The following UBE2G1 variants were observed in gnomAD, a reference collection of about 807,000 sequenced individuals.
The protein encoded by UBE2G1 is ubiquitin conjugating enzyme E2 G1, also known as ubiquitin-conjugating enzyme E2 G1.
Under a neutral mutation model 22.7 loss-of-function variants are expected in UBE2G1, and 5 were observed. The ratio of observed to expected loss-of-function variants is 0.22; its 90% CI spans 0.12 to 0.46. The LOEUF (loss-of-function observed/expected upper bound fraction) is 0.46, where lower values mean the gene tolerates loss of function less well. Among genes scored for constraint, UBE2G1 ranks in the 20% least tolerant of loss-of-function variants. The probability of loss-of-function intolerance (pLI) is 0.99; values close to 1 mark genes in which losing one functional copy is unlikely to be tolerated. For missense variants in UBE2G1, 88 were observed against 203.9 expected (o/e 0.43, Z 3.46); for synonymous variants, 74 against 67.5 (o/e 1.10, Z -0.47).
intron 1 of UBE2G1, among the ~76,000 whole-genome samples, chr17:4,309,313 T>C (rs1227728256): frequency 1.3e-5 from 2 of 152,198 alleles, no homozygotes; most frequent in South Asian, 2.1e-4. Context: ...TTTCTTGAAA[T>C]GTGAGGGGAG....
intron 2 of UBE2G1, among the ~76,000 whole-genome samples, chr17:4,300,113 T>G (rs1969158291): frequency 1.3e-5 from 2 of 150,534 alleles, no homozygotes; most frequent in South Asian, 4.2e-4. Flanking sequence ...CTTAACTAAC[T>G]AGTACCCAAC....
At position 4,357,033 on chromosome 17, in the gene UBE2G1, T is replaced by G. The variant is rs192054582; in HGVS notation, c.46+9238A>C. Among the ~76,000 whole-genome samples the G allele has an allele frequency of 2.9e-3, 444 of 152,264 alleles. 2 individuals are homozygous for G. Among genetic ancestry groups the G allele is most frequent in the Admixed American group, 6.0e-3 (92 of 15,288 alleles). The stretch of plus-strand genomic sequence containing the variant: ...AATATCAAACCCAAGAAATCGACAG[T>G]GGTGCAATCCATATACTTTATAGTC... On this transcript the variant is annotated intron_variant, in intron 1 of 5. Transcript: ENST00000396981.
At chr17:4,284,139 A>G (rs1968929607) in intron 4 of UBE2G1, among the ~76,000 whole-genome samples, 1 of 145,860 alleles carries the variant, frequency 6.9e-6, no homozygotes, top group South Asian at 2.3e-4. Context: ...CCTGAGCGAC[A>G]GAGCGAGACT....
intron 1 of UBE2G1, among the ~76,000 whole-genome samples, chr17:4,361,026 C>T (rs1317461629): frequency 2.6e-5 from 4 of 152,004 alleles, no homozygotes; most frequent in African/African-American, 4.8e-5. Flanking sequence ...AGTTCAAGAT[C>T]GGCCTGGCCA....
At chr17:4,282,088 T>G (rs544868132) in intron 5 of UBE2G1, among the ~76,000 whole-genome samples, 4 of 152,262 alleles carry the variant, frequency 2.6e-5, no homozygotes, top group Middle Eastern at 3.4e-3. Flanking sequence ...TTGTTTGTTT[T>G]TTGTTTTTTT....
At chr17:4,332,292 T>C (rs765394591) in intron 1 of UBE2G1, among the ~76,000 whole-genome samples, 4 of 152,308 alleles carry the variant, frequency 2.6e-5, no homozygotes, top group East Asian at 1.9e-4. Flanking sequence ...AGTCATGAAA[T>C]AGATCTAGTG....
chr17:4,331,379 T>C (rs1014455390), intron 1 of UBE2G1, among the ~76,000 whole-genome samples: 1 of 152,210 alleles, frequency 6.6e-6, no homozygotes, highest in African/African-American at 2.4e-5. Flanking sequence ...GTGGGGAATA[T>C]GATAGTAGCA....
At chr17:4,326,950 T>A (rs1182379563) in intron 1 of UBE2G1, among the ~76,000 whole-genome samples, 1 of 152,094 alleles carries the variant, frequency 6.6e-6, no homozygotes, top group Non-Finnish European at 1.5e-5. Context: ...TCACCTGAGG[T>A]CAGGAGTTTG....
chr17:4,304,133 C>T (rs954164321), intron 2 of UBE2G1, among the ~76,000 whole-genome samples: 8 of 152,170 alleles, frequency 5.3e-5, no homozygotes, highest in African/African-American at 1.7e-4. Flanking sequence ...AGCCTCCTGA[C>T]TGCAGGCATG....
chr17:4,307,111 T>G lies in UBE2G1; in HGVS notation c.59A>C (p.Asn20Thr). The G allele has an allele frequency of 2.5e-6, 4 of 1,613,878 alleles. No homozygotes were observed. Among genetic ancestry groups the G allele is most frequent in the Non-Finnish European group, 1.7e-6 (2 of 1,179,856 alleles). Residue 20 changes from asparagine to threonine, a missense_variant, in exon 2 of 6, where the codon AAT becomes ACT. Physicochemically the swap from Asn to Thr is moderately conservative, Grantham distance 65. Transcript: ENST00000396981. Reference sequence around the variant, plus strand: ...ACCTGCAGAAAAGCCTTCCACTGGATTTTTGTTGAGTTCTGTGGAAAAAGA... The same window carrying G: ...ACCTGCAGAAAAGCCTTCCACTGGAGTTTTGTTGAGTTCTGTGGAAAAAGA... ...LRRQLAELNK[N>T]PVEGFSAGLI...
At chr17:4,301,425 C>T (rs1164480013) in intron 2 of UBE2G1, 6 of 664,072 alleles carry the variant, frequency 9.0e-6, no homozygotes, top group African/African-American at 1.8e-5. Flanking sequence ...ACTTTTGATG[C>T]TGTTATTGAT....
At chr17:4,283,108 T>C (rs1968913945) in intron 4 of UBE2G1, among the ~76,000 whole-genome samples, 187 bp from the exon 5 acceptor site, 1 of 152,028 alleles carries the variant, frequency 6.6e-6, no homozygotes, top group African/African-American at 2.4e-5. Flanking sequence ...CAGGCAGAAA[T>C]CTCCTATGCA....
intron 5 of UBE2G1, among the ~76,000 whole-genome samples, chr17:4,272,850 A>G (rs1201131658): frequency 6.6e-6 from 1 of 152,194 alleles, no homozygotes; most frequent in Non-Finnish European, 1.5e-5. Flanking sequence ...GGACAGCGCT[A>G]ATTTAGATTT....
At chr17:4,365,445 G>C (rs998021624) in intron 1 of UBE2G1, among the ~76,000 whole-genome samples, 1 of 152,222 alleles carries the variant, frequency 6.6e-6, no homozygotes, top group African/African-American at 2.4e-5. Context: ...CGGGACAATG[G>C]GGGAGGGGGG....
At chr17:4,322,298 C>T (rs915399336) in intron 1 of UBE2G1, among the ~76,000 whole-genome samples, 2 of 152,164 alleles carry the variant, frequency 1.3e-5, no homozygotes, top group Non-Finnish European at 2.9e-5. Context: ...AGATTTCTTC[C>T]AAAGGGGAAC....
intron 1 of UBE2G1, among the ~76,000 whole-genome samples, chr17:4,349,973 G>C (rs1969825829): frequency 6.6e-6 from 1 of 152,104 alleles, no homozygotes; most frequent in African/African-American, 2.4e-5. Context: ...AAGTGGGAGA[G>C]AGGGGACCTC....
At chr17:4,360,454 A>T (rs1406446457) in intron 1 of UBE2G1, among the ~76,000 whole-genome samples, 1 of 152,186 alleles carries the variant, frequency 6.6e-6, no homozygotes, top group Non-Finnish European at 1.5e-5. Context: ...GCAATCAAAC[A>T]TTCTTCACCT....
chr17:4,312,908 C>G (rs1242290471), intron 1 of UBE2G1, among the ~76,000 whole-genome samples: 1 of 151,816 alleles, frequency 6.6e-6, no homozygotes, highest in African/African-American at 2.4e-5. Context: ...GGAATCCATG[C>G]AGGCAACGCT....
intron 1 of UBE2G1, among the ~76,000 whole-genome samples, chr17:4,354,712 C>A (rs1216415337): frequency 6.6e-6 from 1 of 152,080 alleles, no homozygotes; most frequent in African/African-American, 2.4e-5. Context: ...GGGAGGATTG[C>A]TTGAACCCAG....
Sources: allele counts gnomAD v4.1 joint callset (sites outside exome capture counted in the v4.1 genomes callset), GRCh38; gene constraint gnomAD v4.1.1; transcripts MANE v1.5; gene names NCBI Gene and HGNC (gene_info 2026-07-23, HGNC 2026-07-21).